Variants in SORCS3 observed in about 807,000 individuals in gnomAD.
SORCS3 encodes sortilin related VPS10 domain containing receptor 3.
Under a neutral mutation model 146.3 loss-of-function variants are expected in SORCS3, and 57 were observed. The ratio of observed to expected loss-of-function variants is 0.39; its 90% confidence interval spans 0.31 to 0.49. The LOEUF is 0.49. Ranked by LOEUF, SORCS3 falls within the 20% of genes least tolerant of loss-of-function variation. SORCS3 has a pLI of 0.92. For synonymous variants in SORCS3, 653 were observed against 618.5 expected, an observed-to-expected ratio of 1.06 and a Z score of -0.83; for missense variants, 1,341 against 1,575.5, an observed-to-expected ratio of 0.85 and a Z score of 2.52.
At chr10:105,165,907 T>A (rs2056308953) in intron 12 of SORCS3, among the ~76,000 whole-genome samples, 1 of 152,136 alleles carries the variant, frequency 6.6e-6, no homozygotes, top group Non-Finnish European at 1.5e-5. Context: ...GAGGAAAGGA[T>A]AAGGATAACT....
At chr10:105,046,456 C>G (rs143673414) in intron 5 of SORCS3, among the ~76,000 whole-genome samples, 1 of 152,110 alleles carries the variant, frequency 6.6e-6, no homozygotes, top group East Asian at 1.9e-4. Flanking sequence ...ACACTGTGCT[C>G]CAGAAGTGAT....
In SORCS3 at chr10:105,158,894, C is replaced by T; in HGVS notation, c.1632C>T (p.Pro544=). The part of the protein sequence containing the change: ...LRGSPVHCLL[P]FCSLHLHLQL... ...AACTATTTCTTTCTCCATTTTAGCC[C>T]TTCTGTTCCTTACATCTGCACCTGC... The change falls in exon 11 of 27, where the codon CCC becomes CCT. Residue 544 remains proline (P), a splice_region_variant and synonymous_variant. Coordinates refer to ENST00000369701, the MANE Select transcript of SORCS3 (RefSeq NM_014978.3). 2 of 1,610,578 alleles carry T rather than the reference C, an allele frequency of 1.2e-6. No homozygotes were observed. Among genetic ancestry groups the T allele is most frequent in the East Asian group, 4.5e-5 (2 of 44,798 alleles).
At chr10:105,033,992 A>G (rs2055288181) in intron 4 of SORCS3, among the ~76,000 whole-genome samples, 1 of 152,238 alleles carries the variant, frequency 6.6e-6, no homozygotes, top group South Asian at 2.1e-4. Context: ...GTCATTGAAC[A>G]TCTGCTCTTC....
chr10:105,132,873 G>T (rs1046629097), intron 7 of SORCS3, among the ~76,000 whole-genome samples: 4 of 152,116 alleles, frequency 2.6e-5, no homozygotes, highest in African/African-American at 9.7e-5. Flanking sequence ...TAAAATAAAA[G>T]GTGTCACCGA....
intron 1 of SORCS3, among the ~76,000 whole-genome samples, chr10:104,661,129 A>G (rs1044999571): frequency 9.2e-5 from 14 of 152,144 alleles, no homozygotes; most frequent in Admixed American, 9.2e-4. Context: ...TCTTTACACA[A>G]TTAAATTATC....
intron 4 of SORCS3, 77 bp downstream of exon 4, chr10:104,977,570 C>A: frequency 7.4e-7 from 1 of 1,353,498 alleles, no homozygotes; most frequent in Non-Finnish European, 1.0e-6. Flanking sequence ...GCTTAATCCA[C>A]ATTTTGGAGG....
At chr10:105,190,742 T>G (rs866805006) in intron 14 of SORCS3, among the ~76,000 whole-genome samples, 2 of 152,314 alleles carry the variant, frequency 1.3e-5, no homozygotes, top group Middle Eastern at 6.8e-3. Flanking sequence ...TGAGATCTGC[T>G]GATCTACTGT....
chr10:104,834,436 C>A (rs2133539717), intron 1 of SORCS3, among the ~76,000 whole-genome samples: 1 of 152,168 alleles, frequency 6.6e-6, no homozygotes, highest in South Asian at 2.1e-4. Context: ...GCTGCTTCTG[C>A]CTGACATGTT....
At chr10:105,060,350 T>A (rs74401843) in intron 5 of SORCS3, among the ~76,000 whole-genome samples, 8,947 of 152,074 alleles carry the variant, frequency 0.059, 278 homozygotes, top group Middle Eastern at 0.088. Context: ...AGAGAGAGAT[T>A]GGCCGATAAG....
chr10:104,769,655 C>T (rs1173950976), intron 1 of SORCS3, among the ~76,000 whole-genome samples: 1 of 152,112 alleles, frequency 6.6e-6, no homozygotes, highest in African/African-American at 2.4e-5. Context: ...TAATGCCCAG[C>T]CTCCAGGAAG....
intron 3 of SORCS3, among the ~76,000 whole-genome samples, chr10:104,942,166 A>G (rs1226546447): frequency 1.3e-5 from 2 of 152,242 alleles, no homozygotes; most frequent in East Asian, 3.8e-4. Context: ...AGAATCATAG[A>G]TGGAATCTGA....
intron 20 of SORCS3, among the ~76,000 whole-genome samples, chr10:105,242,775 T>C (rs2056841076): frequency 1.1e-5 from 1 of 89,980 alleles, no homozygotes; most frequent in South Asian, 3.2e-4. Flanking sequence ...ATATTTTATA[T>C]ATTTATATAT....
At chr10:105,008,845 C>G (rs1197104580) in intron 4 of SORCS3, among the ~76,000 whole-genome samples, 2 of 152,134 alleles carry the variant, frequency 1.3e-5, no homozygotes, top group Non-Finnish European at 2.9e-5. Flanking sequence ...CAGGGTTTCA[C>G]CATGTTTCCC....
chr10:105,066,914 C>T (rs1424687632), intron 5 of SORCS3, among the ~76,000 whole-genome samples: 1 of 152,312 alleles, frequency 6.6e-6, no homozygotes, highest in Admixed American at 6.5e-5. Context: ...TCCTTTGCCC[C>T]TGAACTGCCC....
At chr10:104,662,030 C>T (rs2015709100) in intron 1 of SORCS3, among the ~76,000 whole-genome samples, 1 of 152,150 alleles carries the variant, frequency 6.6e-6, no homozygotes, top group Non-Finnish European at 1.5e-5. Flanking sequence ...GAGGTTATTA[C>T]TATCTCTCTT....
intron 2 of SORCS3, among the ~76,000 whole-genome samples, chr10:104,912,690 C>G (rs766597366): frequency 2.0e-5 from 3 of 152,164 alleles, no homozygotes; most frequent in Admixed American, 6.5e-5. Context: ...TTACTTTCAG[C>G]AGTTGCTTTG....
intron 1 of SORCS3, among the ~76,000 whole-genome samples, chr10:104,733,596 C>T (rs2016733980): frequency 6.7e-6 from 1 of 149,742 alleles, no homozygotes; most frequent in South Asian, 2.1e-4. Context: ...ATTTTTGGTG[C>T]CAAGCACTGA....
chr10:104,849,437 A>G lies in SORCS3; in HGVS notation c.695+6578A>G, dbSNP rs867305542. On this transcript the variant is annotated intron_variant, in intron 2 of 26. Coordinates refer to ENST00000369701, the MANE Select transcript of SORCS3 (RefSeq NM_014978.3). ...AAAAAAAAAAAAAAAAAAAAAAAAA[A>G]GGAAAGACTATTTCAGGTATTGGTA... Among the ~76,000 whole-genome samples the G allele has an allele frequency of 7.4e-3, 1,076 of 145,232 alleles. 18 individuals are homozygous for G. Among genetic ancestry groups the G allele is most frequent in the African/African-American group, 0.027 (1,022 of 37,986 alleles).
At chr10:105,116,281 C>A (rs2055893009) in intron 7 of SORCS3, among the ~76,000 whole-genome samples, 1 of 152,198 alleles carries the variant, frequency 6.6e-6, no homozygotes, top group Non-Finnish European at 1.5e-5. Flanking sequence ...CTCACCTGCA[C>A]TGTGGATCCC....
Sources: gnomAD v4.1 joint callset for allele counts (sites outside exome capture counted in the v4.1 genomes callset) on GRCh38, gnomAD v4.1.1 for gene constraint, MANE v1.5 for transcripts, NCBI Gene and HGNC (gene_info 2026-07-23, HGNC 2026-07-21) for gene names.